CACNA2D1: variants seen among roughly 807,000 people sequenced by gnomAD.
CACNA2D1 encodes the protein voltage-dependent calcium channel subunit alpha-2/delta-1.
A neutral mutation model predicts 171.5 loss-of-function variants in CACNA2D1; 53 were observed. The observed-to-expected ratio is 0.31, with a 90% confidence interval of 0.25 to 0.39. CACNA2D1 has a LOEUF of 0.39. Among genes scored for constraint, CACNA2D1 ranks in the 10% least tolerant of loss-of-function variants. The pLI is 1.00. For synonymous variants in CACNA2D1, 442 were observed against 443.1 expected (o/e 1.00, Z 0.03); for missense variants, 903 against 1,299.8 (o/e 0.69, Z 4.69).
At chr7:82,374,229 T>C (rs1822752616) in intron 1 of CACNA2D1, among the ~76,000 whole-genome samples, 1 of 151,836 alleles carries the variant, frequency 6.6e-6, no homozygotes, top group African/African-American at 2.4e-5. Context: ...TTAGGAAGAG[T>C]CTCTGACATT....
chr7:82,194,519 T>A (rs1054581147), intron 3 of CACNA2D1, among the ~76,000 whole-genome samples: 1 of 151,854 alleles, frequency 6.6e-6, no homozygotes, highest in Non-Finnish European at 1.5e-5. Context: ...TTTCTTTATA[T>A]CTTCACTTTT....
At chr7:82,038,626 T>C (rs1046824363) in intron 10 of CACNA2D1, among the ~76,000 whole-genome samples, 4 of 152,230 alleles carry the variant, frequency 2.6e-5, no homozygotes, top group Admixed American at 6.5e-5. Context: ...TTAAATATTT[T>C]CATTGCCTCT....
chr7:82,225,864 T>C (rs1395993226), intron 3 of CACNA2D1, among the ~76,000 whole-genome samples: 1 of 152,210 alleles, frequency 6.6e-6, no homozygotes, highest in South Asian at 2.1e-4. Flanking sequence ...TATCAATGCA[T>C]ATTAATCATG....
chr7:82,301,898 C>T (rs1009174468), intron 3 of CACNA2D1, among the ~76,000 whole-genome samples: 2 of 151,654 alleles, frequency 1.3e-5, no homozygotes, highest in Admixed American at 6.6e-5. Context: ...GCTGGAATTA[C>T]GGGTGCCTGC....
At chr7:82,093,823 T>C (rs1205257125) in intron 6 of CACNA2D1, among the ~76,000 whole-genome samples, 2 of 151,992 alleles carry the variant, frequency 1.3e-5, no homozygotes, top group African/African-American at 4.8e-5. Context: ...CACAAAATTA[T>C]GCACATACAA....
At chr7:82,056,166 G>C (rs968941104) in intron 10 of CACNA2D1, among the ~76,000 whole-genome samples, 5 of 151,972 alleles carry the variant, frequency 3.3e-5, no homozygotes, top group Non-Finnish European at 5.9e-5. Flanking sequence ...GCCAGGGAAT[G>C]GATGTTTAGG....
chr7:82,082,149 T>TG (rs1441345613), intron 7 of CACNA2D1, among the ~76,000 whole-genome samples: 2 of 152,316 alleles, frequency 1.3e-5, no homozygotes, highest in South Asian at 2.1e-4. Flanking sequence ...CCCACGGCTC[T>TG]GGGGCTGGCT....
At chr7:82,249,306 T>C (rs1563257796) in intron 3 of CACNA2D1, among the ~76,000 whole-genome samples, 1 of 151,998 alleles carries the variant, frequency 6.6e-6, no homozygotes, top group Non-Finnish European at 1.5e-5. Flanking sequence ...TCAAGGAATA[T>C]AATTAGTCAA....
At chr7:82,304,774 A>G (rs1262352281) in intron 3 of CACNA2D1, among the ~76,000 whole-genome samples, 4 of 152,238 alleles carry the variant, frequency 2.6e-5, no homozygotes, top group African/African-American at 9.6e-5. Flanking sequence ...CACACAATGA[A>G]AGAGAAGGAA....
chr7:82,087,298 C>T (rs755748346), intron 6 of CACNA2D1, among the ~76,000 whole-genome samples: 1 of 152,044 alleles, frequency 6.6e-6, no homozygotes, highest in Non-Finnish European at 1.5e-5. Context: ...AATTCAAAGA[C>T]GATCTGCCAT....
intron 5 of CACNA2D1, 85 bp from the exon 6 acceptor site, chr7:82,117,258 T>C (rs999057447): frequency 2.0e-5 from 26 of 1,312,684 alleles, no homozygotes; most frequent in Admixed American, 1.7e-4. Flanking sequence ...GCCAAATGCA[T>C]ATTTTTCAAA....
chr7:82,084,588 T>C (rs889862796), intron 7 of CACNA2D1, among the ~76,000 whole-genome samples, 181 bp downstream of exon 7: 2 of 152,156 alleles, frequency 1.3e-5, no homozygotes, highest in African/African-American at 4.8e-5. Flanking sequence ...AACTGCTCCT[T>C]AGGTATTTCA....
intron 3 of CACNA2D1, among the ~76,000 whole-genome samples, chr7:82,296,380 T>A (rs1014999080): frequency 4.9e-4 from 74 of 152,296 alleles, no homozygotes; most frequent in African/African-American, 1.7e-3. Flanking sequence ...TAGCTCAATG[T>A]GTCTGCTAAA....
At chr7:82,154,308 G>A (rs1437946295) in intron 4 of CACNA2D1, among the ~76,000 whole-genome samples, 1 of 152,144 alleles carries the variant, frequency 6.6e-6, no homozygotes, top group East Asian at 1.9e-4. Flanking sequence ...AATGCTTCAA[G>A]AAGTATGTGA....
At chr7:82,158,497 T>A (rs903654480) in intron 4 of CACNA2D1, among the ~76,000 whole-genome samples, 1 of 151,884 alleles carries the variant, frequency 6.6e-6, no homozygotes, top group Non-Finnish European at 1.5e-5. Context: ...GAAAGTAAAT[T>A]TGATTGCCAA....
At chr7:82,027,070 G>T (rs1263755715) in intron 12 of CACNA2D1, among the ~76,000 whole-genome samples, 1 of 151,572 alleles carries the variant, frequency 6.6e-6, no homozygotes, top group Non-Finnish European at 1.5e-5. Context: ...TATGCTGGGG[G>T]TTTGTAGGGA....
chr7:82,352,470 C>T (rs1819957069), intron 1 of CACNA2D1, among the ~76,000 whole-genome samples: 1 of 152,118 alleles, frequency 6.6e-6, no homozygotes, highest in Non-Finnish European at 1.5e-5. Context: ...ACAGAGGATA[C>T]AGCTTTTTCA....
In CACNA2D1 at chr7:82,323,009, T is replaced by G. The variant is rs1336199169; in HGVS notation, c.294+12126A>C. Among the ~76,000 whole-genome samples the G allele has an allele frequency of 2.0e-5, 3 of 152,150 alleles. No individual in the cohort carries two copies. The East Asian group carries it at 5.8e-4, about 29-fold the overall frequency. On this transcript the variant is annotated intron_variant, in intron 3 of 38. Transcript: ENST00000356860. ...AGAGATTAAAAAACAAAGTTAACAT[T>G]TAGGAATCAGAACACCACTTTTAGT...
chr7:82,095,296 G>C (rs1811720140), intron 6 of CACNA2D1, among the ~76,000 whole-genome samples: 1 of 152,036 alleles, frequency 6.6e-6, no homozygotes, highest in African/African-American at 2.4e-5. Context: ...TCACCCAGCA[G>C]AGTATCAACT....
Sources: gnomAD v4.1 joint callset for allele counts (sites outside exome capture counted in the v4.1 genomes callset) on GRCh38, gnomAD v4.1.1 for gene constraint, MANE v1.5 for transcripts, NCBI Gene and HGNC (gene_info 2026-07-23, HGNC 2026-07-21) for gene names.